Variants in KYNU observed in about 807,000 individuals in gnomAD.
KYNU encodes kynureninase.
In KYNU, 54 loss-of-function variants were observed where a neutral mutation model predicts 59.2. The observed-to-expected ratio is 0.91, with a 90% CI of 0.73 to 1.14. KYNU has a LOEUF of 1.14. Ranked by LOEUF, KYNU falls within the 50% of genes most tolerant of loss-of-function variation. The pLI is 0.00. For synonymous variants in KYNU, 177 were observed against 192.0 expected, an observed-to-expected ratio of 0.92 and a Z score of 0.65; for missense variants, 567 against 554.4, an observed-to-expected ratio of 1.02 and a Z score of -0.23.
intron 2 of KYNU, among the ~76,000 whole-genome samples, chr2:142,908,473 CA>C (rs1682370009): frequency 7.0e-6 from 1 of 143,374 alleles, no homozygotes; most frequent in Admixed American, 7.2e-5. Flanking sequence ...GAAGTGAGTT[CA>C]TATAAGGAAC....
chr2:142,891,297 A>G (rs1681703798), intron 2 of KYNU, among the ~76,000 whole-genome samples: 1 of 152,186 alleles, frequency 6.6e-6, no homozygotes, highest in African/African-American at 2.4e-5. Flanking sequence ...AGCCTAGGCA[A>G]ACAGTAATCT....
chr2:142,986,003 C>T lies in KYNU; in HGVS notation c.884C>T (p.Ala295Val). The stretch of plus-strand genomic sequence containing the variant: ...GGTGCCTTCATTCATGAAAAGCATG[C>T]CCATACGATTAAACCTGCGTGAGTA... ...IAGAFIHEKH[A>V]HTIKPALVGW... Residue 295 changes from alanine (A) to valine (V), a missense_variant, in exon 10 of 14, where the codon GCC (alanine) becomes GTC (valine). Ala to Val is a moderately conservative substitution (Grantham distance 64). Transcript: ENST00000264170. 5 of 1,609,332 alleles carry T rather than the reference C, an allele frequency of 3.1e-6. No individual in the cohort carries two copies. The highest frequency in any genetic ancestry group is 4.2e-6 in the Non-Finnish European group (5 of 1,176,536).
intron 10 of KYNU, among the ~76,000 whole-genome samples, chr2:143,014,039 T>A (rs1306275960): frequency 1.3e-5 from 2 of 152,236 alleles, no homozygotes; most frequent in African/African-American, 2.4e-5. Flanking sequence ...GTCTCTTGCG[T>A]CTTTAGAGGA....
chr2:142,981,489 G>T lies in KYNU; in HGVS notation c.730-3595G>T, dbSNP rs560013827. Among the ~76,000 whole-genome samples, 8 of 152,232 alleles carry T rather than the reference G, an allele frequency of 5.3e-5. No homozygotes were observed. In the East Asian group the frequency reaches 1.5e-3, roughly 29 times the overall value. On this transcript the variant is annotated intron_variant, in intron 8 of 13. Transcript: ENST00000264170. ...AATAAATGTGTGTGGAGGGGTGTGT[G>T]TGTGTCTGTTAAAGCTAAACATTAG...
At chr2:142,973,342 T>A (rs1412258631) in intron 8 of KYNU, among the ~76,000 whole-genome samples, 1 of 152,114 alleles carries the variant, frequency 6.6e-6, no homozygotes, top group Non-Finnish European at 1.5e-5. Context: ...GCATCAAAAG[T>A]CTTTCTGAAT....
At chr2:142,989,972 T>G (rs1685348952) in intron 10 of KYNU, 2 of 151,878 alleles carry the variant, frequency 1.3e-5, no homozygotes, top group Admixed American at 1.3e-4. Context: ...ATTTTGGACA[T>G]TGTTCAAAAC....
intron 4 of KYNU, among the ~76,000 whole-genome samples, chr2:142,945,872 G>T (rs761268973): frequency 2.4e-4 from 36 of 151,584 alleles, no homozygotes; most frequent in Admixed American, 5.3e-4. Context: ...CAAGTAGCTG[G>T]GATTACAGGC....
chr2:142,947,127 A>G (rs1683815259), intron 4 of KYNU: 1 of 1,551,112 alleles, frequency 6.4e-7, no homozygotes. Flanking sequence ...ACAGACCCCC[A>G]ACACAATCAA....
At chr2:142,903,468 G>C (rs1188415973) in intron 2 of KYNU, among the ~76,000 whole-genome samples, 1 of 152,088 alleles carries the variant, frequency 6.6e-6, no homozygotes, top group Non-Finnish European at 1.5e-5. Flanking sequence ...TGTGAAAAGA[G>C]TAAAGTTCCC....
At chr2:142,945,069 A>G (rs143622972) in intron 4 of KYNU, among the ~76,000 whole-genome samples, 1 of 152,328 alleles carries the variant, frequency 6.6e-6, no homozygotes, top group African/African-American at 2.4e-5. Flanking sequence ...TCTTGCCTCT[A>G]TATTAATGGC....
At chr2:143,015,764 T>C (rs75819771) in intron 10 of KYNU, among the ~76,000 whole-genome samples, 5,513 of 152,106 alleles carry the variant, frequency 0.036, 133 homozygotes, top group Non-Finnish European at 0.051. Flanking sequence ...TCCCCTCAAA[T>C]TAAGACTTTA....
intron 10 of KYNU, chr2:142,988,977 C>T: frequency 3.4e-6 from 4 of 1,163,922 alleles, no homozygotes; most frequent in Non-Finnish European, 5.1e-6. Flanking sequence ...CTTTGTGTCC[C>T]TTAGTGTGTT....
chr2:142,963,439 T>G (rs932814065), intron 8 of KYNU, among the ~76,000 whole-genome samples: 2 of 152,144 alleles, frequency 1.3e-5, no homozygotes, highest in Non-Finnish European at 2.9e-5. Flanking sequence ...GCCAGCAGAC[T>G]TGGTGTCTGC....
intron 10 of KYNU, among the ~76,000 whole-genome samples, chr2:143,020,459 T>C (rs1686371969): frequency 6.6e-6 from 1 of 152,178 alleles, no homozygotes; most frequent in African/African-American, 2.4e-5. Context: ...TTGTAACTCA[T>C]TTCTAGTTTT....
At chr2:142,992,966 G>A (rs1223494716) in intron 10 of KYNU, among the ~76,000 whole-genome samples, 3 of 151,984 alleles carry the variant, frequency 2.0e-5, no homozygotes, top group Admixed American at 2.0e-4. Flanking sequence ...TTAATTACTG[G>A]GTGAATTCTC....
chr2:143,019,603 C>G (rs1686351984), intron 10 of KYNU, among the ~76,000 whole-genome samples: 1 of 151,916 alleles, frequency 6.6e-6, no homozygotes. Flanking sequence ...AGGGATATTG[C>G]CCAGTAGTTT....
chr2:142,925,733 T>C (rs1683025247), intron 3 of KYNU, among the ~76,000 whole-genome samples: 1 of 152,198 alleles, frequency 6.6e-6, no homozygotes, highest in South Asian at 2.1e-4. Flanking sequence ...GGAGTATTTA[T>C]ACCTTGGAAA....
chr2:142,956,266 T>A lies in KYNU; in HGVS notation c.499T>A (p.Ser167Thr). Reference protein sequence around the residue: ...KILLEAKAFPSDHYAIESQLQ... With the variant: ...KILLEAKAFPTDHYAIESQLQ... ...TCTTCTAGAAGCCAAAGCCTTCCCT[T>A]CTGATCATGTAAGGACTTCTTCAAA... Residue 167 changes from serine to threonine, a missense_variant, in exon 6 of 14, where the codon TCT becomes ACT. Ser to Thr is a moderately conservative substitution (Grantham distance 58). Transcript: ENST00000264170. 1 of 1,594,546 alleles carries A rather than the reference T, an allele frequency of 6.3e-7. No homozygotes were observed. Among genetic ancestry groups the A allele is most frequent in the Admixed American group, 1.7e-5 (1 of 59,896 alleles).
intron 12 of KYNU, among the ~76,000 whole-genome samples, chr2:143,039,957 C>T (rs1206737396): frequency 6.6e-6 from 1 of 152,096 alleles, no homozygotes; most frequent in African/African-American, 2.4e-5. Context: ...TGAATGGGTC[C>T]TGTTAAGAAT....
Sources: gnomAD v4.1 joint callset for allele counts (sites outside exome capture counted in the v4.1 genomes callset) on GRCh38, gnomAD v4.1.1 for gene constraint, MANE v1.5 for transcripts, NCBI Gene and HGNC (gene_info 2026-07-23, HGNC 2026-07-21) for gene names.